The following SH3GL3 variants were observed in gnomAD, a reference collection of about 807,000 sequenced individuals.
The protein encoded by SH3GL3 is SH3 domain containing GRB2 like 3, endophilin A3, also known as endophilin-A3.
SH3GL3 carries 33 observed loss-of-function variants against 47.7 expected under a neutral mutation model. The ratio of observed to expected loss-of-function variants is 0.69; its 90% CI spans 0.52 to 0.92. SH3GL3 has a LOEUF of 0.92. SH3GL3 is among the 40% of genes least tolerant of loss of function. The pLI is 0.00. For synonymous variants in SH3GL3, 155 were observed against 148.8 expected (o/e 1.04, Z -0.30); for missense variants, 363 against 417.8 (o/e 0.87, Z 1.14).
intron 1 of SH3GL3, among the ~76,000 whole-genome samples, chr15:83,465,523 G>A (rs760607341): frequency 1.3e-5 from 2 of 151,952 alleles, no homozygotes; most frequent in South Asian, 4.2e-4. Flanking sequence ...TTCTAAGAAA[G>A]GTCATTCTAT....
chr15:83,569,868 C>A (rs1450827061), intron 4 of SH3GL3, among the ~76,000 whole-genome samples: 5 of 152,126 alleles, frequency 3.3e-5, no homozygotes, highest in African/African-American at 9.7e-5. Context: ...TTTTTTCCCC[C>A]CTGTCTCATG....
chr15:83,548,543 G>A (rs1596234298), intron 1 of SH3GL3, among the ~76,000 whole-genome samples: 1 of 152,102 alleles, frequency 6.6e-6, no homozygotes, highest in East Asian at 1.9e-4. Flanking sequence ...GATGTTGCCT[G>A]TTTATGAGGG....
intron 1 of SH3GL3, among the ~76,000 whole-genome samples, chr15:83,506,321 C>T (rs1449402500): frequency 6.6e-6 from 1 of 152,032 alleles, no homozygotes; most frequent in Non-Finnish European, 1.5e-5. Context: ...AGCAAATTTA[C>T]AGAATAATCT....
At chr15:83,575,439 C>A (rs1472892797) in intron 5 of SH3GL3, among the ~76,000 whole-genome samples, 1 of 152,220 alleles carries the variant, frequency 6.6e-6, no homozygotes, top group Non-Finnish European at 1.5e-5. Context: ...TACTCAGCTG[C>A]TGTTTGATAC....
intron 1 of SH3GL3, among the ~76,000 whole-genome samples, chr15:83,509,839 C>T (rs889425578): frequency 6.6e-6 from 1 of 152,136 alleles, no homozygotes; most frequent in South Asian, 2.1e-4. Flanking sequence ...CCCTCACCCC[C>T]ACCAGTTTCA....
intron 1 of SH3GL3, among the ~76,000 whole-genome samples, chr15:83,476,324 GTGTT>G (rs1222554295): frequency 1.3e-5 from 2 of 152,156 alleles, no homozygotes; most frequent in African/African-American, 4.8e-5. Flanking sequence ...ATAAATATTT[GTGTT>G]TGTATTTGTC....
chr15:83,469,435 C>G (rs1438378223), intron 1 of SH3GL3, among the ~76,000 whole-genome samples: 1 of 152,132 alleles, frequency 6.6e-6, no homozygotes, highest in Non-Finnish European at 1.5e-5. Flanking sequence ...GAGACCTTTT[C>G]TGTCTTCTAA....
intron 1 of SH3GL3, among the ~76,000 whole-genome samples, chr15:83,526,819 C>G (rs866596099): frequency 6.6e-6 from 1 of 151,972 alleles, no homozygotes; most frequent in Non-Finnish European, 1.5e-5. Flanking sequence ...TTAAAAAAAA[C>G]CAAACCATAT....
the SH3GL3 span, among the ~76,000 whole-genome samples, chr15:83,626,367 G>C: frequency 1.2e-4 from 18 of 152,266 alleles, no homozygotes; most frequent in East Asian, 2.7e-3. Flanking sequence ...CTCATGTTCT[G>C]AATCACTCCT....
intron 1 of SH3GL3, among the ~76,000 whole-genome samples, chr15:83,467,143 A>G (rs2040606039): frequency 6.6e-6 from 1 of 152,154 alleles, no homozygotes; most frequent in Admixed American, 6.5e-5. Context: ...ATTTTCTCCT[A>G]TGTCTATTTC....
intron 1 of SH3GL3, among the ~76,000 whole-genome samples, chr15:83,456,781 C>G (rs1394420536): frequency 6.6e-6 from 1 of 151,886 alleles, no homozygotes; most frequent in Non-Finnish European, 1.5e-5. Context: ...GCGTCGCTCA[C>G]GCTGGGAGCT....
the SH3GL3 span, among the ~76,000 whole-genome samples, chr15:83,624,023 G>A: frequency 2.6e-5 from 4 of 152,120 alleles, no homozygotes; most frequent in South Asian, 6.2e-4. Flanking sequence ...CTGACCTCAG[G>A]TGATCCGCCC....
chr15:83,545,840 CAG>C (rs2044366867), intron 1 of SH3GL3, among the ~76,000 whole-genome samples: 1 of 152,276 alleles, frequency 6.6e-6, no homozygotes, highest in East Asian at 1.9e-4. Context: ...GATTACCAGG[CAG>C]AGTCTCTTGT....
downstream of SH3GL3, among the ~76,000 whole-genome samples, chr15:83,623,417 G>A (rs1339287426): frequency 2.0e-5 from 3 of 152,212 alleles, no homozygotes; most frequent in African/African-American, 4.8e-5. Context: ...GGTTGGCTGG[G>A]CTGACTCAGT....
chr15:83,618,047 C>T (rs1268375978), intron 8 of SH3GL3, 35 bp from the exon 9 acceptor site: 2 of 1,326,868 alleles, frequency 1.5e-6, no homozygotes, highest in Non-Finnish European at 2.2e-6. Context: ...CCATCATGTT[C>T]ATCTGTACTT....
chr15:83,509,346 A>G (rs990866275), intron 1 of SH3GL3, among the ~76,000 whole-genome samples: 1 of 152,216 alleles, frequency 6.6e-6, no homozygotes, highest in Non-Finnish European at 1.5e-5. Flanking sequence ...GGGGATAGAC[A>G]AGGACTACTA....
At chr15:83,508,463 A>C (rs2042607008) in intron 1 of SH3GL3, among the ~76,000 whole-genome samples, 1 of 152,134 alleles carries the variant, frequency 6.6e-6, no homozygotes, top group Middle Eastern at 3.4e-3. Flanking sequence ...AAGGTTGGTT[A>C]GGGAGGGATA....
intron 8 of SH3GL3, among the ~76,000 whole-genome samples, chr15:83,597,798 C>T (rs1009821819): frequency 1.5e-4 from 23 of 151,928 alleles, no homozygotes; most frequent in Admixed American, 5.3e-4. Flanking sequence ...TTAGTAGAGA[C>T]GGGGTTTCAC....
chr15:83,483,493 A>G (rs1483521698), intron 1 of SH3GL3, among the ~76,000 whole-genome samples: 1 of 152,182 alleles, frequency 6.6e-6, no homozygotes, highest in African/African-American at 2.4e-5. Context: ...GCCAGTGGCT[A>G]TGTATTAGAT....
Sources: gnomAD v4.1 joint callset for allele counts (sites outside exome capture counted in the v4.1 genomes callset) on GRCh38, gnomAD v4.1.1 for gene constraint, MANE v1.5 for transcripts, NCBI Gene and HGNC (gene_info 2026-07-23, HGNC 2026-07-21) for gene names.